Variants in STRIP1 observed in about 807,000 individuals in gnomAD.
STRIP1 encodes striatin-interacting protein 1.
In STRIP1, 63 loss-of-function variants were observed where a neutral mutation model predicts 106.2. That is an observed-to-expected ratio of 0.59 (90% CI 0.48 to 0.73). The LOEUF is 0.73. Among genes scored for constraint, STRIP1 ranks in the 30% least tolerant of loss-of-function variants. The pLI is 0.00. For synonymous variants in STRIP1, 390 were observed against 413.0 expected (o/e 0.94, Z 0.67); for missense variants, 857 against 1,074.8 (o/e 0.80, Z 2.83).
chr1:110,041,228 C>T (rs557228676), intron 6 of STRIP1: 10 of 229,238 alleles, frequency 4.4e-5, no homozygotes, highest in South Asian at 1.8e-4. Flanking sequence ...TGTTGCCTCC[C>T]GGGTGTTAGG....
At chr1:110,050,120 C>CA in intron 17 of STRIP1, 1 of 542,490 alleles carries the variant, frequency 1.8e-6, no homozygotes, top group Non-Finnish European at 3.3e-6. Flanking sequence ...CTTACAAGAT[C>CA]AACAAGCTGG....
In STRIP1 at chr1:110,053,953, C is replaced by G; in HGVS notation, c.*41C>G. On this transcript the variant is annotated 3_prime_UTR_variant, in exon 21 of 21. Transcript: ENST00000369795. ...GACTGAAATGGAGAGAAAAGATGAT[C>G]TGAAGGTACCTGTGGGACTGTCCTA... 1 of 1,607,946 alleles carries G rather than the reference C, an allele frequency of 6.2e-7. No homozygotes were observed. The highest frequency in any genetic ancestry group is 2.2e-5 in the East Asian group (1 of 44,830).
At position 110,053,708 on chromosome 1, in the gene STRIP1, C is replaced by A. The variant is rs755227856; in HGVS notation, c.2310C>A (p.Ala770=). The change falls in exon 21 of 21, where the codon GCC becomes GCA. Residue 770 remains alanine, a synonymous_variant. Transcript: ENST00000369795. ...GGGACTTCCAGGCAGAGGAGTGTGC[C>A]CTTCGTGCCAACATTGAACGCTTCA... ...RPWDFQAEEC[A]LRANIERFNA... 5.0e-6 allele frequency: 8 copies of A among 1,614,086 alleles called. No homozygotes were observed. The Middle Eastern group carries it at 6.6e-4, about 133-fold the overall frequency.
At chr1:110,048,441 C>G (rs1340127543) in intron 15 of STRIP1, 1 of 158,432 alleles carries the variant, frequency 6.3e-6, no homozygotes, top group Admixed American at 5.9e-5. Flanking sequence ...GATCTTCTGC[C>G]TGCCTGGGCC....
At chr1:110,033,663 A>G (rs1199408416), upstream of STRIP1, among the ~76,000 whole-genome samples, 1 of 152,078 alleles carries the variant, frequency 6.6e-6, no homozygotes, top group Non-Finnish European at 1.5e-5. Flanking sequence ...TACCCTGACG[A>G]TTTTATCTAA....
intron 20 of STRIP1, among the ~76,000 whole-genome samples, chr1:110,052,766 A>C (rs747391643): frequency 1.7e-4 from 26 of 151,882 alleles, no homozygotes; most frequent in Non-Finnish European, 3.5e-4. Context: ...CACTGTGCCC[A>C]GCCTTCTCAG....
rs1653443102 is a variant in STRIP1, at chr1:110,054,388, T to C, written c.*476T>C. ...TGCTCTGGGGTGGGGGTGGGGTGTT[T>C]CTGATGTTATTCCAGCCTCCTGCTA... On this transcript the variant is annotated 3_prime_UTR_variant, in exon 21 of 21. Coordinates refer to ENST00000369795, the MANE Select transcript of STRIP1 (RefSeq NM_033088.4). 6.3e-6 allele frequency: 1 copy of C among 158,660 alleles called. No homozygotes were observed. The highest frequency in any genetic ancestry group is 1.8e-4 in the South Asian group (1 of 5,512). The allele number at this position is 158,660 out of a possible 1,614,324, so 9.8% of individuals were successfully genotyped here. A position where few individuals can be genotyped will look rare whatever the true frequency, so the allele number is the denominator to read the frequency against.
intron 12 of STRIP1, 86 bp from the exon 13 acceptor site, chr1:110,046,594 C>A (rs1217385203): frequency 3.3e-6 from 4 of 1,207,094 alleles, no homozygotes; most frequent in Non-Finnish European, 4.9e-6. Flanking sequence ...TGTTTGAAGA[C>A]AAATGTGTGG....
At chr1:110,047,638 A>G in intron 14 of STRIP1, 22 bp downstream of exon 14, 3 of 1,598,336 alleles carry the variant, frequency 1.9e-6, no homozygotes, top group Non-Finnish European at 2.6e-6. Flanking sequence ...CTGCAGTGGG[A>G]CACTCCCACT....
In STRIP1 at chr1:110,053,928, GA is replaced by G; in HGVS notation, c.*17del. 1.2e-6 allele frequency: 2 copies of G among 1,613,478 alleles called. No homozygotes were observed. Among genetic ancestry groups the G allele is most frequent in the Non-Finnish European group, 1.7e-6 (2 of 1,179,770 alleles). On this transcript the variant is annotated 3_prime_UTR_variant, in exon 21 of 21. Transcript: ENST00000369795. ...GCTGCAGTGAGGCTGTTGGTTAGGG[GA>G]CTGAAATGGAGAGAAAAGATGATCT...
intron 10 of STRIP1, 114 bp from the exon 11 acceptor site, chr1:110,044,725 GA>G: frequency 1.1e-6 from 1 of 933,532 alleles, no homozygotes; most frequent in Non-Finnish European, 1.6e-6. Context: ...ACAATTATAG[GA>G]GACTTCTCCT....
chr1:110,051,307 G>A (rs1653289847), intron 19 of STRIP1, among the ~76,000 whole-genome samples: 1 of 152,218 alleles, frequency 6.6e-6, no homozygotes, highest in South Asian at 2.1e-4. Context: ...TCTTAATCTT[G>A]ATTGGTAACA....
chr1:110,044,134 A>G (rs1652908262), intron 10 of STRIP1, among the ~76,000 whole-genome samples: 1 of 152,272 alleles, frequency 6.6e-6, no homozygotes, highest in South Asian at 2.1e-4. Context: ...TAGGAAACAA[A>G]TAAAAACAAA....
Position 110,034,773 on chromosome 1 carries a change from G to A in STRIP1, c.136G>A (p.Gly46Ser). 2.1e-6 allele frequency: 3 copies of A among 1,435,692 alleles called. No homozygotes were observed. Among genetic ancestry groups the A allele is most frequent in the Non-Finnish European group, 2.7e-6 (3 of 1,101,152 alleles). 88.9% of individuals were successfully genotyped at this position (1,435,692 alleles called of 1,614,324 possible). The stretch of plus-strand genomic sequence containing the variant: ...GGCCGCCGCGGGCCTCCTGCCTGGG[G>A]GCAAAGCCCGCGAGTTCAACCGCAA... The part of the protein sequence containing the change: ...PRAAAGLLPG[G>S]KAREFNRNQR... Residue 46 changes from glycine to serine, a missense_variant, in exon 1 of 21, where the codon GGC becomes AGC. This residue lies in a region of STRIP1 where 107 missense variants were observed against 85.1 expected (regional missense o/e 1.26). Transcript: ENST00000369795.
intron 13 of STRIP1, 92 bp downstream of exon 13, chr1:110,046,843 A>C: frequency 1.1e-6 from 1 of 899,132 alleles, no homozygotes; most frequent in Non-Finnish European, 1.8e-6. Flanking sequence ...TGAGGTCAGG[A>C]GATTGAGACC....
At chr1:110,039,790 A>G in intron 5 of STRIP1, 3 of 1,319,046 alleles carry the variant, frequency 2.3e-6, no homozygotes, top group Non-Finnish European at 3.0e-6. Flanking sequence ...TCAGAAGGAG[A>G]CTCTTCACTT....
At chr1:110,050,730 C>T (rs1242871098) in intron 18 of STRIP1, among the ~76,000 whole-genome samples, 3 of 152,216 alleles carry the variant, frequency 2.0e-5, no homozygotes, top group African/African-American at 4.8e-5. Context: ...CCACAGCTCC[C>T]AGTATCATGG....
chr1:110,053,847 T>TC lies in STRIP1; in HGVS notation c.2449_2450insC (p.Tyr817SerfsTer2), dbSNP rs1653415278. The TC allele has an allele frequency of 6.2e-7, 1 of 1,614,056 alleles. No homozygotes were observed. Among genetic ancestry groups the TC allele is most frequent in the South Asian group, 1.1e-5 (1 of 91,084 alleles). The stretch of plus-strand genomic sequence containing the variant: ...CCTCCCTGAGGACTTTCAGATGAAC[T>TC]ATGACCTCTGGTTAGAAAGGGAGGT... On this transcript the variant is annotated frameshift_variant, in exon 21 of 21. Transcript: ENST00000369795. LOFTEE classifies it high-confidence loss of function.
Position 110,045,054 on chromosome 1 carries a change from C to T in STRIP1, c.1392C>T (p.His464=), listed in dbSNP as rs759776207. 1.1e-5 allele frequency: 17 copies of T among 1,614,082 alleles called. No individual in the cohort carries two copies. Among genetic ancestry groups the T allele is most frequent in the Admixed American group, 3.3e-5 (2 of 60,012 alleles). The change falls in exon 12 of 21, where the codon CAC becomes CAT. Residue 464 remains histidine, a synonymous_variant. Coordinates refer to ENST00000369795, the MANE Select transcript of STRIP1 (RefSeq NM_033088.4). ...NTVVGLPRPI[H]ESIKTLKQHK... Reference sequence around the variant, plus strand: ...TGGTGGGGCTGCCCAGGCCAATCCACGAAAGCATCAAGACTCTGAAACAGG... The same window carrying T: ...TGGTGGGGCTGCCCAGGCCAATCCATGAAAGCATCAAGACTCTGAAACAGG...
Sources: allele counts gnomAD v4.1 joint callset (sites outside exome capture counted in the v4.1 genomes callset), GRCh38; gene constraint gnomAD v4.1.1; regional missense constraint gnomAD v4.1.1; transcripts MANE v1.5; gene names NCBI Gene and HGNC (gene_info 2026-07-23, HGNC 2026-07-21).